Variants in ATP11B observed in about 807,000 individuals in gnomAD.
The protein encoded by ATP11B is phospholipid-transporting ATPase IF.
A neutral mutation model predicts 157.8 loss-of-function variants in ATP11B; 81 were observed. That is an observed-to-expected ratio of 0.51 (90% confidence interval 0.43 to 0.62). ATP11B has a LOEUF of 0.62. Among genes scored for constraint, ATP11B ranks in the 20% least tolerant of loss-of-function variants. The pLI, the probability that ATP11B is intolerant of heterozygous loss-of-function variation, is 0.00. For missense variants in ATP11B, 1,165 were observed against 1,402.2 expected, an observed-to-expected ratio of 0.83 and a Z score of 2.70; for synonymous variants, 451 against 469.4, an observed-to-expected ratio of 0.96 and a Z score of 0.51.
chr3:182,884,969 C>A (rs1227971185), intron 22 of ATP11B, 71 bp downstream of exon 22: 10 of 861,626 alleles, frequency 1.2e-5, no homozygotes, highest in Non-Finnish European at 1.7e-5. Flanking sequence ...AATGTTATAA[C>A]CTTATACATT....
At chr3:182,820,698 A>G (rs931300856) in intron 2 of ATP11B, among the ~76,000 whole-genome samples, 5 of 152,140 alleles carry the variant, frequency 3.3e-5, no homozygotes, top group Non-Finnish European at 5.9e-5. Flanking sequence ...AAAACTGTAG[A>G]TATGGATCAT....
chr3:182,903,863 G>A (rs866116679), intron 28 of ATP11B, among the ~76,000 whole-genome samples: 12 of 152,128 alleles, frequency 7.9e-5, no homozygotes, highest in Non-Finnish European at 1.6e-4. Flanking sequence ...TATAACTTTC[G>A]TATTGTGACT....
chr3:182,804,510 G>A (rs1390593470), intron 1 of ATP11B, among the ~76,000 whole-genome samples: 1 of 152,164 alleles, frequency 6.6e-6, no homozygotes, highest in Non-Finnish European at 1.5e-5. Flanking sequence ...TGGGATTACA[G>A]GTGTGAGCGA....
intron 2 of ATP11B, among the ~76,000 whole-genome samples, chr3:182,820,726 TTA>T (rs912036954): frequency 5.9e-5 from 9 of 152,120 alleles, no homozygotes; most frequent in African/African-American, 9.7e-5. Context: ...TTAAAAGTGA[TTA>T]TATGTGTGTG....
Position 182,828,143 on chromosome 3 carries a change from A to C in ATP11B, c.168A>C (p.Pro56=), listed in dbSNP as rs150991982. The change falls in exon 3 of 30, where the codon CCA becomes CCC. Residue 56 remains proline, a synonymous_variant. Coordinates refer to ENST00000323116, the MANE Select transcript of ATP11B (RefSeq NM_014616.3). ...SSKYTVWNFV[P]KNLFEQFRRV... is the part of the protein sequence containing the mutation. ...AGTACACTGTGTGGAATTTTGTTCC[A>C]AAAAATTTATTTGAACAGTTCAGAA... 3.0e-5 allele frequency: 44 copies of C among 1,474,074 alleles called. No homozygotes were observed. In the East Asian group the frequency reaches 9.7e-4, roughly 33 times the overall value. The allele number at this position is 1,474,074 out of a possible 1,614,324, so 91.3% of individuals were successfully genotyped here.
At chr3:182,795,803 A>G (rs1715563752) in intron 1 of ATP11B, among the ~76,000 whole-genome samples, 1 of 152,248 alleles carries the variant, frequency 6.6e-6, no homozygotes, top group South Asian at 2.1e-4. Flanking sequence ...TGATTACTGC[A>G]CCAGAAATTA....
intron 14 of ATP11B, 66 bp from the exon 15 acceptor site, chr3:182,867,310 T>C (rs1577048802): frequency 1.1e-6 from 1 of 913,914 alleles, no homozygotes; most frequent in South Asian, 1.4e-5. Flanking sequence ...AGTTAAGCTA[T>C]AGTGACATTG....
At chr3:182,904,655 A>G (rs1368706750) in intron 28 of ATP11B, among the ~76,000 whole-genome samples, 2 of 152,212 alleles carry the variant, frequency 1.3e-5, no homozygotes, top group African/African-American at 4.8e-5. Context: ...TGGGAGGCCA[A>G]GATGGGTGGA....
intron 1 of ATP11B, among the ~76,000 whole-genome samples, chr3:182,811,155 A>G (rs1398072639): frequency 1.3e-5 from 2 of 152,338 alleles, no homozygotes; most frequent in East Asian, 3.9e-4. Context: ...ATATATTGTT[A>G]TGGTGACTCA....
intron 28 of ATP11B, among the ~76,000 whole-genome samples, chr3:182,912,764 CCT>C (rs1724881503): frequency 6.6e-6 from 1 of 152,184 alleles, no homozygotes; most frequent in Non-Finnish European, 1.5e-5. Flanking sequence ...CCACAAACAT[CCT>C]CTGTTGCCTG....
intron 3 of ATP11B, among the ~76,000 whole-genome samples, chr3:182,829,248 G>A (rs1294731396): frequency 6.6e-6 from 1 of 151,998 alleles, no homozygotes; most frequent in Non-Finnish European, 1.5e-5. Context: ...TCCACCTCTG[G>A]CTCTGTTGGA....
chr3:182,810,633 A>G (rs1716606092), intron 1 of ATP11B, among the ~76,000 whole-genome samples: 1 of 152,102 alleles, frequency 6.6e-6, no homozygotes, highest in South Asian at 2.1e-4. Flanking sequence ...TAGCATCTTT[A>G]TTCTTTGACC....
At chr3:182,834,977 G>T (rs1164015607) in intron 4 of ATP11B, among the ~76,000 whole-genome samples, 1 of 152,086 alleles carries the variant, frequency 6.6e-6, no homozygotes, top group Non-Finnish European at 1.5e-5. Flanking sequence ...CTAGAGAAAA[G>T]AACATGTTTT....
chr3:182,869,930 G>T lies in ATP11B; in HGVS notation c.1866+599G>T, dbSNP rs574952114. ...TGGAATATCAGTCAGCTGTTAAGAG[G>T]AATGAAGTACCAATATATGCTACAA... On this transcript the variant is annotated intron_variant, in intron 17 of 29. Coordinates refer to ENST00000323116, the MANE Select transcript of ATP11B (RefSeq NM_014616.3). 2.6e-5 allele frequency among the ~76,000 whole-genome samples: 4 copies of T among 152,356 alleles called. No individual in the cohort carries two copies. In the South Asian group the frequency reaches 8.3e-4, roughly 32 times the overall value.
At chr3:182,913,446 T>C (rs773208431) in intron 28 of ATP11B, among the ~76,000 whole-genome samples, 7 of 152,204 alleles carry the variant, frequency 4.6e-5, no homozygotes, top group Non-Finnish European at 1.0e-4. Context: ...TGTTGGACAT[T>C]GTTCATTGAA....
intron 10 of ATP11B, among the ~76,000 whole-genome samples, chr3:182,857,579 T>TAA (rs1560091253): frequency 8.7e-6 from 1 of 115,056 alleles, no homozygotes; most frequent in African/African-American, 4.0e-5. Flanking sequence ...AAAAAAAACT[T>TAA]AGAATAATTA....
chr3:182,880,876 C>A lies in ATP11B; in HGVS notation c.2407-3C>A. ...TAAATAACCAATTCATTATGTCTTT[C>A]AGGTAATAAGACTAATAAAAATATC... On this transcript the variant is annotated splice_polypyrimidine_tract_variant and splice_region_variant and intron_variant, in intron 20 of 29. Coordinates refer to ENST00000323116, the MANE Select transcript of ATP11B (RefSeq NM_014616.3). The A allele has an allele frequency of 6.4e-7, 1 of 1,554,158 alleles. No individual in the cohort carries two copies. Among genetic ancestry groups the A allele is most frequent in the South Asian group, 1.2e-5 (1 of 81,692 alleles).
intron 28 of ATP11B, among the ~76,000 whole-genome samples, chr3:182,903,074 G>A (rs1208433580): frequency 6.6e-6 from 1 of 152,046 alleles, no homozygotes; most frequent in Non-Finnish European, 1.5e-5. Flanking sequence ...AACAATGTGT[G>A]TGTATGTCTT....
At chr3:182,805,290 T>C (rs887912609) in intron 1 of ATP11B, among the ~76,000 whole-genome samples, 5 of 152,194 alleles carry the variant, frequency 3.3e-5, no homozygotes, top group African/African-American at 9.7e-5. Flanking sequence ...CAACACTTAC[T>C]TTTGTCTGTC....
Sources: allele counts gnomAD v4.1 joint callset (sites outside exome capture counted in the v4.1 genomes callset), GRCh38; gene constraint gnomAD v4.1.1; transcripts MANE v1.5; gene names NCBI Gene and HGNC (gene_info 2026-07-23, HGNC 2026-07-21).